GLS: variants seen among roughly 807,000 people sequenced by gnomAD.
GLS encodes glutaminase, also known as glutaminase kidney isoform, mitochondrial.
Under a neutral mutation model 86.7 loss-of-function variants are expected in GLS, and 36 were observed. That is an observed-to-expected ratio of 0.42 (90% confidence interval 0.32 to 0.55). The LOEUF (loss-of-function observed/expected upper bound fraction) is 0.55. GLS is among the 20% of genes least tolerant of loss of function. The probability of loss-of-function intolerance (pLI) is 0.17; values close to 1 mark genes in which losing one functional copy is unlikely to be tolerated. For synonymous variants in GLS, 317 were observed against 305.9 expected (o/e 1.04, Z -0.38); for missense variants, 528 against 833.4 (o/e 0.63, Z 4.51).
intron 11 of GLS, among the ~76,000 whole-genome samples, chr2:190,925,345 T>C (rs1689864801): frequency 6.6e-6 from 1 of 152,218 alleles, no homozygotes; most frequent in Non-Finnish European, 1.5e-5. Flanking sequence ...GCTAGTTCAT[T>C]TCTGCAGTGT....
In GLS at chr2:190,949,865, A is replaced by G. The variant is rs1403198487; in HGVS notation, c.1651-3700A>G. ...GTTTACGGTGGGGAACAGAAAGACA[A>G]GTGGTCTCTGCCCACATGGAGCCTA... On this transcript the variant is annotated intron_variant, in intron 14 of 17. Transcript: ENST00000320717. The surrounding 1 kb of genome is among the most constrained non-coding windows in gnomAD (Gnocchi z 4.0). Among the ~76,000 whole-genome samples, 1 of 151,930 alleles carries G rather than the reference A, an allele frequency of 6.6e-6. No homozygotes were observed. The highest frequency in any genetic ancestry group is 2.4e-5 in the African/African-American group (1 of 41,372).
chr2:190,924,086 T>A lies in GLS; in HGVS notation c.1197+103T>A. 1.5e-6 allele frequency: 1 copy of A among 673,190 alleles called. No individual in the cohort carries two copies. The highest frequency in any genetic ancestry group is 2.6e-6 in the Non-Finnish European group (1 of 383,794). The allele number at this position is 673,190 out of a possible 1,614,324, so 41.7% of individuals were successfully genotyped here. Reference sequence around the variant, plus strand: ...CAATAGCCTTTAAGCAACTACCTATTACTATTTAAGGTGCAGAAGTTTTTG... The same window carrying A: ...CAATAGCCTTTAAGCAACTACCTATAACTATTTAAGGTGCAGAAGTTTTTG... On this transcript the variant is annotated intron_variant, in intron 10 of 17. Coordinates refer to ENST00000320717, the MANE Select transcript of GLS (RefSeq NM_014905.5). This position sits in a 1 kb window ranked among gnomAD's most constrained non-coding sequence, Gnocchi z 5.2.
chr2:190,903,634 C>G (rs1207456060), intron 5 of GLS, among the ~76,000 whole-genome samples: 1 of 152,116 alleles, frequency 6.6e-6, no homozygotes. Flanking sequence ...CTTAAACATT[C>G]TCTATGTCTC....
chr2:190,951,663 T>C lies in GLS; in HGVS notation c.1651-1902T>C, dbSNP rs966118944. The stretch of plus-strand genomic sequence containing the variant: ...TCTGTCTGTTTTTAGGGGTCTCCAC[T>C]GGTATTAAAGGCCTGAAGAAAGTAT... On this transcript the variant is annotated intron_variant, in intron 14 of 17. Transcript: ENST00000320717. This position sits in a 1 kb window ranked among gnomAD's most constrained non-coding sequence, Gnocchi z 4.2. 1.3e-5 allele frequency among the ~76,000 whole-genome samples: 2 copies of C among 152,106 alleles called. No individual in the cohort carries two copies. Among genetic ancestry groups the C allele is most frequent in the South Asian group, 2.1e-4 (1 of 4,828 alleles).
intron 12 of GLS, among the ~76,000 whole-genome samples, chr2:190,929,956 C>G (rs1690045906): frequency 6.6e-6 from 1 of 151,888 alleles, no homozygotes; most frequent in South Asian, 2.1e-4. Context: ...CACCTTTCTC[C>G]TGCCTCAGCC....
rs112903184 is a variant in GLS, at chr2:190,900,332, A to G, written c.606-232A>G. Among the ~76,000 whole-genome samples the G allele has an allele frequency of 7.6e-3, 1,162 of 152,286 alleles. 18 individuals carry two copies. Among genetic ancestry groups the G allele is most frequent in the African/African-American group, 0.027 (1,107 of 41,578 alleles). ...GGAACGCCTTGTCTTAATTTGTGAC[A>G]CAATTTTAGGCACATCCAGATTAAT... On this transcript the variant is annotated intron_variant, in intron 3 of 17. Coordinates refer to ENST00000320717, the MANE Select transcript of GLS (RefSeq NM_014905.5).
At chr2:190,885,803 A>G (rs1688358915) in intron 1 of GLS, among the ~76,000 whole-genome samples, 1 of 150,724 alleles carries the variant, frequency 6.6e-6, no homozygotes, top group South Asian at 2.1e-4. Flanking sequence ...TGATTTCTTC[A>G]TTATTAAAAA....
intron 11 of GLS, 175 bp from the exon 12 acceptor site, chr2:190,927,131 G>C (rs1689923014): frequency 1.8e-6 from 1 of 541,314 alleles, no homozygotes; most frequent in South Asian, 2.7e-5. Context: ...AATCTTAAAA[G>C]TGGGTAGGAC....
intron 1 of GLS, among the ~76,000 whole-genome samples, chr2:190,894,738 A>T (rs553954658): frequency 2.0e-5 from 3 of 152,308 alleles, no homozygotes; most frequent in African/African-American, 7.2e-5. Context: ...TATTTGAATA[A>T]TATGTAAATA....
chr2:190,915,388 T>A (rs182741996), intron 7 of GLS, among the ~76,000 whole-genome samples: 1 of 152,096 alleles, frequency 6.6e-6, no homozygotes, highest in Non-Finnish European at 1.5e-5. Context: ...ATTTGGTGAG[T>A]GGATTAGAAA....
In GLS at chr2:190,935,501, G is replaced by C. The variant is rs1297131062; in HGVS notation, c.1650+3864G>C. ...TTTTAAAATGCAATATAGCATTAGT[G>C]GTTTTTTTGGGAGGAGGACTTTTCT... On this transcript the variant is annotated intron_variant, in intron 14 of 17. Transcript: ENST00000320717. This position sits in a 1 kb window ranked among gnomAD's most constrained non-coding sequence, Gnocchi z 4.2. Among the ~76,000 whole-genome samples, 1 of 151,054 alleles carries C rather than the reference G, an allele frequency of 6.6e-6. No individual in the cohort carries two copies. The highest frequency in any genetic ancestry group is 1.5e-5 in the Non-Finnish European group (1 of 67,270).
chr2:190,917,180 C>T (rs1419022326), intron 7 of GLS, among the ~76,000 whole-genome samples: 5 of 152,184 alleles, frequency 3.3e-5, no homozygotes, highest in African/African-American at 1.2e-4. Context: ...TCTGCCACTG[C>T]TTTATGAACT....
intron 14 of GLS, chr2:190,933,107 G>A (rs1690161592): frequency 1.1e-6 from 1 of 936,568 alleles, no homozygotes; most frequent in African/African-American, 1.7e-5. Context: ...ATACAAAAAG[G>A]AAAAATTTAA....
chr2:190,932,568 G>C (rs1163282650), intron 14 of GLS: 1 of 449,500 alleles, frequency 2.2e-6, no homozygotes, highest in Non-Finnish European at 3.7e-6. Context: ...CATGGGAGTC[G>C]ACCTGAGTAA....
At chr2:190,927,608 A>G (rs1355868635) in intron 12 of GLS, 126 bp downstream of exon 12, 1 of 650,584 alleles carries the variant, frequency 1.5e-6, no homozygotes, top group African/African-American at 1.9e-5. Context: ...CTTGTTTTCA[A>G]GGTTAATTTG....
At chr2:190,883,205 GC>G (rs1484698462) in intron 1 of GLS, among the ~76,000 whole-genome samples, 2 of 152,174 alleles carry the variant, frequency 1.3e-5, no homozygotes, top group African/African-American at 4.8e-5. Flanking sequence ...TTTAGCAAGG[GC>G]CTCAAGGTTG....
rs1689461430 is a variant in GLS at position 190,914,545 on chromosome 2, AC to A, written c.1038+4226del. Reference sequence around the variant, plus strand: ...TAGATCTAGAAAAACATTCTTTTTTACCTGGAGTGTCTTATTTTTTATTTTC... The same window carrying A: ...TAGATCTAGAAAAACATTCTTTTTTACTGGAGTGTCTTATTTTTTATTTTC... On this transcript the variant is annotated intron_variant, in intron 7 of 17. Transcript: ENST00000320717. The surrounding 1 kb of genome is among the most constrained non-coding windows in gnomAD (Gnocchi z 4.4). Among the ~76,000 whole-genome samples the A allele has an allele frequency of 6.6e-6, 1 of 151,650 alleles. No individual in the cohort carries two copies. The highest frequency in any genetic ancestry group is 1.9e-4 in the East Asian group (1 of 5,166).
At position 190,920,769 on chromosome 2, in the gene GLS, G is replaced by C. The variant is rs1290174405; in HGVS notation, c.1039-255G>C. Reference sequence around the variant, plus strand: ...CATGGTAACTTGTATTTAAAATTCTGTAACTTTGGGTTGGGTAAAGATATA... The same window carrying C: ...CATGGTAACTTGTATTTAAAATTCTCTAACTTTGGGTTGGGTAAAGATATA... On this transcript the variant is annotated intron_variant, in intron 7 of 17. Coordinates refer to ENST00000320717, the MANE Select transcript of GLS (RefSeq NM_014905.5). This position sits in a 1 kb window ranked among gnomAD's most constrained non-coding sequence, Gnocchi z 4.2. 1.3e-5 allele frequency among the ~76,000 whole-genome samples: 2 copies of C among 151,600 alleles called. No individual in the cohort carries two copies. The highest frequency in any genetic ancestry group is 4.8e-5 in the African/African-American group (2 of 41,366).
chr2:190,894,346 CG>C (rs766899706), intron 1 of GLS, among the ~76,000 whole-genome samples: 15 of 91,510 alleles, frequency 1.6e-4, no homozygotes, highest in Non-Finnish European at 3.7e-4. Context: ...TTTGAATGTA[CG>C]TTTTTTTATT....
Sources: allele counts gnomAD v4.1 joint callset (sites outside exome capture counted in the v4.1 genomes callset), GRCh38; gene constraint gnomAD v4.1.1; non-coding constraint Gnocchi (gnomAD v3.1); transcripts MANE v1.5; gene names NCBI Gene and HGNC (gene_info 2026-07-23, HGNC 2026-07-21).